The following CATSPERT variants were observed in gnomAD, a reference collection of about 807,000 sequenced individuals.
The protein encoded by CATSPERT is catsper channel auxiliary subunit tau.
the CATSPERT span, among the ~76,000 whole-genome samples, chr2:201,508,771 T>C: frequency 1.3e-5 from 2 of 152,142 alleles, no homozygotes; most frequent in Non-Finnish European, 2.9e-5. Flanking sequence ...TCACTTAGCA[T>C]AATTCCTCAA....
the CATSPERT span, among the ~76,000 whole-genome samples, chr2:201,531,140 T>TGTTTTC: frequency 1.3e-5 from 2 of 151,626 alleles, no homozygotes; most frequent in African/African-American, 2.4e-5. Flanking sequence ...TTTTGTTTTT[T>TGTTTTC]AGTAGAGACA....
chr2:201,534,833 T>G, the CATSPERT span: 1 of 824,584 alleles, frequency 1.2e-6, no homozygotes, highest in Non-Finnish European at 1.5e-6. Context: ...TAAAAACTTA[T>G]GGAATATTAA....
the CATSPERT span, among the ~76,000 whole-genome samples, chr2:201,540,366 TAG>T: frequency 1.3e-5 from 2 of 152,230 alleles, no homozygotes; most frequent in African/African-American, 4.8e-5. Flanking sequence ...CTTTCATAGC[TAG>T]AGAGGAGAAC....
At chr2:201,551,925 T>G in the CATSPERT span, among the ~76,000 whole-genome samples, 63,086 of 149,794 alleles carry the variant, frequency 0.42, 13,885 homozygotes, top group East Asian at 0.75. Context: ...AAAAAAAAAG[T>G]GATCTCTCGT....
the CATSPERT span, among the ~76,000 whole-genome samples, chr2:201,561,351 C>A: frequency 1.3e-5 from 2 of 152,088 alleles, no homozygotes; most frequent in Admixed American, 1.3e-4. Flanking sequence ...ACATATACGA[C>A]TTTTTTAAAA....
At chr2:201,489,678 T>C in the CATSPERT span, among the ~76,000 whole-genome samples, 1 of 152,190 alleles carries the variant, frequency 6.6e-6, no homozygotes, top group Non-Finnish European at 1.5e-5. Context: ...AAAGTATCAA[T>C]TTAATATGAG....
chr2:201,591,083 C>A, the CATSPERT span, among the ~76,000 whole-genome samples: 4 of 152,114 alleles, frequency 2.6e-5, no homozygotes, highest in Non-Finnish European at 5.9e-5. Flanking sequence ...AATGGTAATG[C>A]CTAGGTTTTC....
chr2:201,497,345 T>A, the CATSPERT span, among the ~76,000 whole-genome samples: 1 of 152,350 alleles, frequency 6.6e-6, no homozygotes, highest in South Asian at 2.1e-4. Context: ...CTTCCATACC[T>A]ATTCTTTTGT....
At chr2:201,589,171 C>T in the CATSPERT span, among the ~76,000 whole-genome samples, 1 of 152,150 alleles carries the variant, frequency 6.6e-6, no homozygotes, top group Non-Finnish European at 1.5e-5. Context: ...TTAAAATGGC[C>T]ATTACTGCCC....
chr2:201,563,513 G>C, the CATSPERT span, among the ~76,000 whole-genome samples: 2 of 150,528 alleles, frequency 1.3e-5, no homozygotes, highest in Non-Finnish European at 3.0e-5. Flanking sequence ...CGGGCAGAGG[G>C]GCTCCTCACT....
chr2:201,490,122 G>A, the CATSPERT span, among the ~76,000 whole-genome samples: 2 of 152,168 alleles, frequency 1.3e-5, no homozygotes, highest in Admixed American at 6.5e-5. Flanking sequence ...CTCCCAAAGT[G>A]CTGGGATTAT....
At chr2:201,511,599 C>G in the CATSPERT span, 1 of 151,832 alleles carries the variant, frequency 6.6e-6, no homozygotes, top group African/African-American at 2.4e-5. Context: ...TTCATCCTGA[C>G]TTTTGGGGAA....
At chr2:201,563,807 C>T in the CATSPERT span, among the ~76,000 whole-genome samples, 1 of 152,202 alleles carries the variant, frequency 6.6e-6, no homozygotes, top group Non-Finnish European at 1.5e-5. Context: ...GGACAAAACA[C>T]TGTCTAAATC....
At chr2:201,619,117 T>C in the CATSPERT span, 4 of 1,614,110 alleles carry the variant, frequency 2.5e-6, no homozygotes, top group African/African-American at 5.3e-5. Context: ...ATTTGTCTCT[T>C]GGGGTGGCTC....
At chr2:201,591,547 T>C in the CATSPERT span, among the ~76,000 whole-genome samples, 1 of 152,170 alleles carries the variant, frequency 6.6e-6, no homozygotes, top group Admixed American at 6.5e-5. Flanking sequence ...TTGATGGGGA[T>C]GGCATTGAAT....
the CATSPERT span, chr2:201,603,154 T>C: frequency 6.2e-6 from 9 of 1,444,660 alleles, no homozygotes; most frequent in Non-Finnish European, 8.6e-6. Flanking sequence ...GAATGGTTTG[T>C]AATGCAGCAA....
the CATSPERT span, among the ~76,000 whole-genome samples, chr2:201,575,891 C>G: frequency 6.6e-6 from 1 of 152,116 alleles, no homozygotes; most frequent in African/African-American, 2.4e-5. Context: ...AAAACCAGTC[C>G]CTGGTGCCAA....
the CATSPERT span, among the ~76,000 whole-genome samples, chr2:201,595,191 C>CT: frequency 5.1e-3 from 567 of 111,716 alleles, 8 homozygotes; most frequent in African/African-American, 0.016. Context: ...AGTTTTCCTT[C>CT]TTTTTTTTTT....
chr2:201,587,164 T>C, the CATSPERT span, among the ~76,000 whole-genome samples: 1 of 152,180 alleles, frequency 6.6e-6, no homozygotes. Flanking sequence ...GGCCATGTAT[T>C]GCACTTCTAC....
Sources: allele counts gnomAD v4.1 joint callset (sites outside exome capture counted in the v4.1 genomes callset), GRCh38; gene constraint gnomAD v4.1.1; transcripts MANE v1.5; gene names NCBI Gene and HGNC (gene_info 2026-07-23, HGNC 2026-07-21).